The following ERBB4 variants were observed in gnomAD, a reference collection of about 807,000 sequenced individuals.
ERBB4 encodes the protein receptor tyrosine-protein kinase erbB-4.
ERBB4 carries 42 observed loss-of-function variants against 158.0 expected under a neutral mutation model. The ratio of observed to expected loss-of-function variants is 0.27; its 90% CI spans 0.21 to 0.34. ERBB4 has a LOEUF of 0.34. ERBB4 is among the 10% of genes least tolerant of loss of function. ERBB4 has a pLI of 1.00. For synonymous variants in ERBB4, 583 were observed against 558.7 expected (o/e 1.04, Z -0.61); for missense variants, 1,333 against 1,624.1 (o/e 0.82, Z 3.08).
intron 1 of ERBB4, among the ~76,000 whole-genome samples, chr2:212,241,837 T>C (rs1037269622): frequency 3.3e-5 from 5 of 151,206 alleles, no homozygotes; most frequent in African/African-American, 1.2e-4. Context: ...ATTTAATGTG[T>C]ATATGTATTT....
At chr2:212,330,927 A>G (rs1162814432) in intron 1 of ERBB4, among the ~76,000 whole-genome samples, 1 of 151,086 alleles carries the variant, frequency 6.6e-6, no homozygotes, top group Non-Finnish European at 1.5e-5. Flanking sequence ...AGGTTTATTA[A>G]TTTGCCTGGG....
At chr2:212,355,101 A>G (rs2089416203) in intron 1 of ERBB4, among the ~76,000 whole-genome samples, 1 of 152,114 alleles carries the variant, frequency 6.6e-6, no homozygotes, top group South Asian at 2.1e-4. Flanking sequence ...GTGACCAGTC[A>G]GTATTTAAAT....
intron 3 of ERBB4, among the ~76,000 whole-genome samples, chr2:211,842,063 A>G (rs1271133423): frequency 6.6e-6 from 1 of 152,084 alleles, no homozygotes; most frequent in Non-Finnish European, 1.5e-5. Flanking sequence ...CTGTTTATTA[A>G]GTCAAAAGTG....
At chr2:212,202,930 T>C (rs1310362585) in intron 1 of ERBB4, among the ~76,000 whole-genome samples, 1 of 151,706 alleles carries the variant, frequency 6.6e-6, no homozygotes, top group African/African-American at 2.4e-5. Flanking sequence ...TTAATAGTAT[T>C]ACATTAATAA....
At chr2:212,109,209 G>A (rs974789091) in intron 2 of ERBB4, among the ~76,000 whole-genome samples, 1 of 152,072 alleles carries the variant, frequency 6.6e-6, no homozygotes, top group African/African-American at 2.4e-5. Context: ...CAATGGCCCG[G>A]TTCCTAGAAA....
At chr2:211,957,440 CTGT>C (rs776582601) in intron 2 of ERBB4, among the ~76,000 whole-genome samples, 1 of 152,230 alleles carries the variant, frequency 6.6e-6, no homozygotes. Flanking sequence ...AAATAAATAT[CTGT>C]TGTTTAAGCC....
chr2:211,777,140 G>C (rs896803773), intron 4 of ERBB4: 5 of 152,290 alleles, frequency 3.3e-5, no homozygotes, highest in African/African-American at 9.6e-5. Context: ...ACATGCATGA[G>C]CGTATATGCG....
In ERBB4 at chr2:212,320,172, AAATCTACCAGGCC is replaced by A. The variant is rs1340852662; in HGVS notation, c.83-195282_83-195270del. On this transcript the variant is annotated intron_variant, in intron 1 of 27. Coordinates refer to ENST00000342788, the MANE Select transcript of ERBB4 (RefSeq NM_005235.3). ...AAAGTCTGATATGTTCTGACTGGGT[AAATCTACCAGGCC>A]GATTACTGGGTACATCTACCAGGCA... 5.4e-3 allele frequency among the ~76,000 whole-genome samples: 804 copies of A among 150,008 alleles called. 13 individuals are homozygous for A. The highest frequency in any genetic ancestry group is 0.017 in the African/African-American group (713 of 41,304).
At chr2:211,514,294 T>C (rs1354792314) in intron 20 of ERBB4, among the ~76,000 whole-genome samples, 1 of 152,116 alleles carries the variant, frequency 6.6e-6, no homozygotes, top group Admixed American at 6.5e-5. Context: ...CTTGGAGTTA[T>C]TGAAAGTAAT....
intron 1 of ERBB4, among the ~76,000 whole-genome samples, chr2:212,161,948 G>A (rs1232718327): frequency 1.3e-5 from 2 of 151,794 alleles, no homozygotes; most frequent in Non-Finnish European, 2.9e-5. Flanking sequence ...AGCAAGTGAT[G>A]GTGAAAATCC....
intron 1 of ERBB4, among the ~76,000 whole-genome samples, chr2:212,478,173 A>G (rs1390057025): frequency 6.6e-6 from 1 of 152,124 alleles, no homozygotes; most frequent in African/African-American, 2.4e-5. Context: ...ATGTGCCCCA[A>G]TTTCAGAAAG....
At chr2:211,941,426 T>A (rs2080493349) in intron 3 of ERBB4, among the ~76,000 whole-genome samples, 1 of 152,140 alleles carries the variant, frequency 6.6e-6, no homozygotes, top group Non-Finnish European at 1.5e-5. Flanking sequence ...TGAAGAATGC[T>A]TAGCAACTCT....
chr2:211,479,894 ACTTTTTTTCC>A (rs1292134941), intron 20 of ERBB4, among the ~76,000 whole-genome samples: 1 of 152,132 alleles, frequency 6.6e-6, no homozygotes, highest in East Asian at 1.9e-4. Context: ...TATAATTAAC[ACTTTTTTTCC>A]CTTTTTTTCA....
intron 2 of ERBB4, among the ~76,000 whole-genome samples, chr2:212,066,494 G>A (rs1446687124): frequency 6.6e-6 from 1 of 151,940 alleles, no homozygotes; most frequent in East Asian, 1.9e-4. Flanking sequence ...GTCAAAGTAA[G>A]AAATGATGTT....
chr2:211,691,568 A>ATGTGTGTGTGTGTG lies in ERBB4; in HGVS notation c.1489+10385_1489+10398dup, dbSNP rs61091828. ...TAAATTTATGTATGCATAGAAACAT[A>ATGTGTGTGTGTGTG]TGTGTGTGTGTGTGTGTGTGTGTGT... On this transcript the variant is annotated intron_variant, in intron 12 of 27. Coordinates refer to ENST00000342788, the MANE Select transcript of ERBB4 (RefSeq NM_005235.3). Among the ~76,000 whole-genome samples the ATGTGTGTGTGTGTG allele has an allele frequency of 2.7e-3, 380 of 139,126 alleles. 1 individual carries two copies. Among genetic ancestry groups the ATGTGTGTGTGTGTG allele is most frequent in the African/African-American group, 8.9e-3 (329 of 36,790 alleles). 91.3% of individuals were successfully genotyped at this position (139,126 alleles called of 152,430 possible). A position where few individuals can be genotyped will look rare whatever the true frequency, so the allele number is the denominator to read the frequency against.
chr2:211,891,802 T>C (rs1315715148), intron 3 of ERBB4, among the ~76,000 whole-genome samples: 3 of 135,552 alleles, frequency 2.2e-5, no homozygotes, highest in Non-Finnish European at 3.2e-5. Context: ...AACTAGAAAA[T>C]CTAGAAGAAA....
At chr2:212,461,821 C>G (rs916672861) in intron 1 of ERBB4, among the ~76,000 whole-genome samples, 1 of 152,032 alleles carries the variant, frequency 6.6e-6, no homozygotes, top group African/African-American at 2.4e-5. Flanking sequence ...GCAAGTCTTC[C>G]CCATGTTGTT....
chr2:211,396,790 C>G (rs777281219), intron 25 of ERBB4, among the ~76,000 whole-genome samples: 3 of 152,142 alleles, frequency 2.0e-5, no homozygotes, highest in Non-Finnish European at 4.4e-5. Flanking sequence ...TTGAAAATAT[C>G]TTCAGTTATG....
At chr2:212,006,207 ATTCT>A (rs1396625370) in intron 2 of ERBB4, among the ~76,000 whole-genome samples, 16 of 152,282 alleles carry the variant, frequency 1.1e-4, no homozygotes, top group African/African-American at 3.6e-4. Context: ...CTTTCTAATT[ATTCT>A]TTGAGAAAAA....
Sources: gnomAD v4.1 joint callset for allele counts (sites outside exome capture counted in the v4.1 genomes callset) on GRCh38, gnomAD v4.1.1 for gene constraint, MANE v1.5 for transcripts, NCBI Gene and HGNC (gene_info 2026-07-23, HGNC 2026-07-21) for gene names.